SLC25A24: variants seen among roughly 807,000 people sequenced by gnomAD.
SLC25A24 encodes solute carrier family 25 member 24.
Under a neutral mutation model 60.7 loss-of-function variants are expected in SLC25A24, and 49 were observed. The ratio of observed to expected loss-of-function variants is 0.81; its 90% CI spans 0.64 to 1.02. SLC25A24 has a LOEUF of 1.02. SLC25A24 is among the 50% of genes least tolerant of loss of function. The pLI is 0.00. For synonymous variants in SLC25A24, 202 were observed against 200.6 expected (o/e 1.01, Z -0.06); for missense variants, 564 against 586.3 (o/e 0.96, Z 0.39).
chr1:108,145,181 C>T (rs540490996), intron 7 of SLC25A24, among the ~76,000 whole-genome samples: 1 of 152,146 alleles, frequency 6.6e-6, no homozygotes, highest in East Asian at 1.9e-4. Context: ...GGATGATGAG[C>T]CTTTTCTCAC....
chr1:108,187,927 G>GATATATAGATATATATATATATAT (rs1553256779), intron 1 of SLC25A24, among the ~76,000 whole-genome samples: 4 of 95,774 alleles, frequency 4.2e-5, no homozygotes, highest in African/African-American at 1.7e-4. Flanking sequence ...AGACATTATA[G>GATATATAGATATATATATATATAT]ATATATATAT....
intron 3 of SLC25A24, among the ~76,000 whole-genome samples, chr1:108,169,398 G>A (rs772185281): frequency 4.6e-5 from 7 of 152,104 alleles, no homozygotes; most frequent in Non-Finnish European, 1.0e-4. Flanking sequence ...TGGAGAGAAG[G>A]TACATCTTTT....
intron 3 of SLC25A24, among the ~76,000 whole-genome samples, chr1:108,167,377 C>T (rs1377612892): frequency 6.6e-6 from 1 of 152,024 alleles, no homozygotes; most frequent in Non-Finnish European, 1.5e-5. Flanking sequence ...ATGGCGGGTG[C>T]CCCTCCCCCA....
rs189244791 is a variant in SLC25A24, at chr1:108,141,834, G to A, written c.1098+1709C>T. On this transcript the variant is annotated intron_variant, in intron 8 of 9. Transcript: ENST00000565488. ...GTCAAACTCATAAAACGAGAAAGTA[G>A]GTTACACAGCGCTGGGGTGAAGGGG... 6.7e-4 allele frequency among the ~76,000 whole-genome samples: 102 copies of A among 152,244 alleles called. 1 individual carries two copies. Among genetic ancestry groups the A allele is most frequent in the Admixed American group, 6.4e-3 (98 of 15,286 alleles).
intron 9 of SLC25A24, among the ~76,000 whole-genome samples, chr1:108,138,348 G>A (rs1294304029): frequency 7.2e-5 from 11 of 152,204 alleles, no homozygotes; most frequent in Admixed American, 3.9e-4. Flanking sequence ...GAATAGAGCT[G>A]TAGATGCCCA....
At chr1:108,150,993 G>GAGGACCACTTGAGGTCAGA (rs1191532573) in intron 6 of SLC25A24, among the ~76,000 whole-genome samples, 1 of 152,114 alleles carries the variant, frequency 6.6e-6, no homozygotes, top group Non-Finnish European at 1.5e-5. Flanking sequence ...TTGAGGTCAG[G>GAGGACCACTTGAGGTCAGA]AGTTTGAAAC....
intron 1 of SLC25A24, chr1:108,192,962 C>G (rs552097339): frequency 9.3e-6 from 2 of 214,228 alleles, no homozygotes; most frequent in African/African-American, 4.5e-5. Flanking sequence ...GTCGGGGCAA[C>G]TCAAGCCCCT....
intron 1 of SLC25A24, among the ~76,000 whole-genome samples, chr1:108,186,570 G>C (rs976697574): frequency 2.6e-5 from 4 of 152,000 alleles, no homozygotes; most frequent in Non-Finnish European, 5.9e-5. Context: ...AAGAAAGAAA[G>C]AAGAAAGCCT....
intron 6 of SLC25A24, among the ~76,000 whole-genome samples, chr1:108,153,883 T>C (rs1001434800): frequency 1.3e-5 from 2 of 152,128 alleles, no homozygotes; most frequent in Admixed American, 6.6e-5. Flanking sequence ...AATAACTGCA[T>C]TGAGTATTTA....
At chr1:108,138,591 C>T (rs924261850) in intron 9 of SLC25A24, among the ~76,000 whole-genome samples, 9 of 152,012 alleles carry the variant, frequency 5.9e-5, no homozygotes, top group South Asian at 4.2e-4. Context: ...GTAGGGTCTA[C>T]GCAACACTAA....
intron 7 of SLC25A24, among the ~76,000 whole-genome samples, chr1:108,144,115 G>A (rs1446614126): frequency 6.6e-6 from 1 of 152,132 alleles, no homozygotes; most frequent in Admixed American, 6.6e-5. Context: ...TGGAGGATAT[G>A]AGAGGAAAAA....
chr1:108,150,866 C>T (rs1217855960), intron 6 of SLC25A24, among the ~76,000 whole-genome samples: 1 of 151,980 alleles, frequency 6.6e-6, no homozygotes, highest in Admixed American at 6.6e-5. Context: ...TTTGTATTGA[C>T]ATGCTTCCTT....
chr1:108,166,639 C>G (rs1194255247), intron 3 of SLC25A24, among the ~76,000 whole-genome samples: 2 of 152,056 alleles, frequency 1.3e-5, no homozygotes, highest in African/African-American at 4.8e-5. Flanking sequence ...TGGTTTTCAG[C>G]TCCATCAGCT....
intron 3 of SLC25A24, among the ~76,000 whole-genome samples, chr1:108,176,528 A>C (rs1193254405): frequency 6.6e-6 from 1 of 152,212 alleles, no homozygotes; most frequent in Non-Finnish European, 1.5e-5. Flanking sequence ...GAAAAGTCCA[A>C]GGTCTCTAAT....
In SLC25A24 at chr1:108,139,298, C is replaced by T. The variant is rs1286705917; in HGVS notation, c.1099-90G>A. The T allele has an allele frequency of 3.8e-6, 5 of 1,316,082 alleles. No homozygotes were observed. The East Asian group carries it at 9.8e-5, about 26-fold the overall frequency. 81.5% of individuals were successfully genotyped at this position (1,316,082 alleles called of 1,614,324 possible). ...AGCTATTCTCAACCTCATGAGAAGC[C>T]CCGTTTCTGCAGGATGAGGCCACGC... On this transcript the variant is annotated intron_variant, in intron 8 of 9. Transcript: ENST00000565488.
chr1:108,188,760 G>A (rs891241979), intron 1 of SLC25A24, among the ~76,000 whole-genome samples: 1 of 152,208 alleles, frequency 6.6e-6, no homozygotes, highest in Non-Finnish European at 1.5e-5. Context: ...AAAAGGTTTG[G>A]GGGCGGATTC....
chr1:108,195,064 T>C (rs1648452187), intron 1 of SLC25A24, among the ~76,000 whole-genome samples: 1 of 152,244 alleles, frequency 6.6e-6, no homozygotes, highest in African/African-American at 2.4e-5. Flanking sequence ...ATAAATCCTG[T>C]CAAATATAGA....
intron 3 of SLC25A24, among the ~76,000 whole-genome samples, chr1:108,164,938 A>T (rs1424407122): frequency 2.2e-5 from 3 of 138,750 alleles, no homozygotes; most frequent in Non-Finnish European, 4.6e-5. Flanking sequence ...TTAGTGCTAT[A>T]AATTTCCCTC....
chr1:108,194,169 C>T (rs1648425995), intron 1 of SLC25A24, among the ~76,000 whole-genome samples: 1 of 138,652 alleles, frequency 7.2e-6, no homozygotes, highest in Non-Finnish European at 1.6e-5. Context: ...ATCACATGTC[C>T]TTGAAATACT....
Sources: allele counts gnomAD v4.1 joint callset (sites outside exome capture counted in the v4.1 genomes callset), GRCh38; gene constraint gnomAD v4.1.1; transcripts MANE v1.5; gene names NCBI Gene and HGNC (gene_info 2026-07-23, HGNC 2026-07-21).